Variants in CACNA2D3 observed in about 807,000 individuals in gnomAD.
CACNA2D3 encodes the protein calcium voltage-gated channel auxiliary subunit alpha2delta 3.
CACNA2D3 carries 60 observed loss-of-function variants against 160.6 expected under a neutral mutation model. The ratio of observed to expected loss-of-function variants is 0.37; its 90% CI spans 0.30 to 0.46. CACNA2D3 has a LOEUF of 0.46. Among genes scored for constraint, CACNA2D3 ranks in the 20% least tolerant of loss-of-function variants. The probability of loss-of-function intolerance (pLI) is 1.00; values close to 1 mark genes in which losing one functional copy is unlikely to be tolerated. For synonymous variants in CACNA2D3, 558 were observed against 492.9 expected (o/e 1.13, Z -1.75); for missense variants, 1,205 against 1,365.0 (o/e 0.88, Z 1.85).
intron 4 of CACNA2D3, among the ~76,000 whole-genome samples, chr3:54,393,453 G>A (rs1699317379): frequency 1.3e-5 from 2 of 152,212 alleles, no homozygotes; most frequent in Admixed American, 1.3e-4. Context: ...TGTCGTCCCT[G>A]AGGCTTTGTT....
chr3:54,939,853 A>C (rs1001699336), intron 27 of CACNA2D3, among the ~76,000 whole-genome samples: 1 of 152,204 alleles, frequency 6.6e-6, no homozygotes, highest in African/African-American at 2.4e-5. Flanking sequence ...CCACATGAAC[A>C]AAAGCCGCTG....
At chr3:54,985,284 C>T (rs930767324) in intron 30 of CACNA2D3, among the ~76,000 whole-genome samples, 7 of 152,048 alleles carry the variant, frequency 4.6e-5, no homozygotes, top group African/African-American at 1.7e-4. Context: ...AAGCTGTGGA[C>T]TTGAGCACAG....
chr3:54,772,576 G>C (rs1044048786), intron 13 of CACNA2D3, among the ~76,000 whole-genome samples: 3 of 151,932 alleles, frequency 2.0e-5, no homozygotes, highest in African/African-American at 7.3e-5. Flanking sequence ...TCTGTTTCCT[G>C]CTTGGCTGTT....
intron 2 of CACNA2D3, among the ~76,000 whole-genome samples, chr3:54,279,977 G>C (rs1316127357): frequency 6.6e-6 from 1 of 152,220 alleles, no homozygotes; most frequent in Non-Finnish European, 1.5e-5. Context: ...GCCTAGGCTA[G>C]TTCCACCTGT....
At chr3:54,603,573 G>A (rs1048174879) in intron 9 of CACNA2D3, among the ~76,000 whole-genome samples, 4 of 152,172 alleles carry the variant, frequency 2.6e-5, no homozygotes, top group East Asian at 1.9e-4. Context: ...AAGGCTGTTC[G>A]TTGTATGGTC....
chr3:54,167,688 C>T (rs1700486468), intron 2 of CACNA2D3, among the ~76,000 whole-genome samples: 2 of 152,146 alleles, frequency 1.3e-5, no homozygotes, highest in African/African-American at 4.8e-5. Context: ...GAATGGATAC[C>T]CAACGTAGTT....
intron 27 of CACNA2D3, among the ~76,000 whole-genome samples, chr3:54,956,495 C>A (rs1701896540): frequency 6.6e-6 from 1 of 152,170 alleles, no homozygotes; most frequent in Admixed American, 6.5e-5. Flanking sequence ...GCCACATGGT[C>A]TTAACGTTCT....
intron 9 of CACNA2D3, among the ~76,000 whole-genome samples, chr3:54,614,322 CCTGT>C (rs1375603014): frequency 6.6e-6 from 1 of 152,152 alleles, no homozygotes; most frequent in African/African-American, 2.4e-5. Context: ...CAGGGCAGAG[CCTGT>C]CTTACTCAAG....
At chr3:54,883,418 T>A (rs1286016541) in intron 21 of CACNA2D3, among the ~76,000 whole-genome samples, 1 of 152,196 alleles carries the variant, frequency 6.6e-6, no homozygotes, top group African/African-American at 2.4e-5. Context: ...GTGGATATGA[T>A]TTTTATCAGA....
chr3:54,664,705 A>G (rs1323507146), intron 11 of CACNA2D3, among the ~76,000 whole-genome samples: 3 of 152,216 alleles, frequency 2.0e-5, no homozygotes, highest in African/African-American at 7.2e-5. Context: ...TCGTGGGCCT[A>G]AGACTGGGTG....
chr3:54,210,680 C>T (rs1701356682), intron 2 of CACNA2D3, among the ~76,000 whole-genome samples: 1 of 152,146 alleles, frequency 6.6e-6, no homozygotes, highest in Non-Finnish European at 1.5e-5. Context: ...CAATAATTTA[C>T]ACAAGCGCCT....
At chr3:54,684,844 G>A (rs1390185976) in intron 11 of CACNA2D3, among the ~76,000 whole-genome samples, 1 of 152,178 alleles carries the variant, frequency 6.6e-6, no homozygotes, top group Non-Finnish European at 1.5e-5. Flanking sequence ...GGTTGGCTGG[G>A]CTGGCTGGTG....
chr3:54,647,884 A>G (rs935419426), intron 11 of CACNA2D3, among the ~76,000 whole-genome samples: 5 of 152,302 alleles, frequency 3.3e-5, no homozygotes, highest in African/African-American at 1.2e-4. Flanking sequence ...ATTGGATGCC[A>G]TTTACTTTTG....
At chr3:54,668,103 C>T (rs1481972180) in intron 11 of CACNA2D3, among the ~76,000 whole-genome samples, 1 of 152,010 alleles carries the variant, frequency 6.6e-6, no homozygotes, top group African/African-American at 2.4e-5. Flanking sequence ...ATTTTAAGAG[C>T]AAATATCATC....
chr3:54,562,297 T>C (rs1314566992), intron 5 of CACNA2D3, among the ~76,000 whole-genome samples: 1 of 152,230 alleles, frequency 6.6e-6, no homozygotes, highest in Admixed American at 6.5e-5. Context: ...GATTTAGTTA[T>C]GTAATTTCAA....
chr3:54,856,285 C>T lies in CACNA2D3; in HGVS notation c.1626+9818C>T, dbSNP rs1021936245. ...GAATTTATGAAAGTACCTGGTGTCT[C>T]GCTGTGCACTGGGTAGCTAGGGAAG... On this transcript the variant is annotated intron_variant, in intron 17 of 37. Transcript: ENST00000474759. Among the ~76,000 whole-genome samples the T allele has an allele frequency of 1.1e-4, 16 of 152,160 alleles. 1 individual carries two copies. Among genetic ancestry groups the T allele is most frequent in the African/African-American group, 2.7e-4 (11 of 41,448 alleles).
At chr3:54,908,650 A>G (rs1700495910) in intron 27 of CACNA2D3, among the ~76,000 whole-genome samples, 1 of 152,178 alleles carries the variant, frequency 6.6e-6, no homozygotes, top group Non-Finnish European at 1.5e-5. Context: ...CAGGAAGGTC[A>G]AGGCTGCAGT....
At chr3:54,581,943 C>T (rs1270860760) in intron 9 of CACNA2D3, 66 bp downstream of exon 9, 5 of 1,371,830 alleles carry the variant, frequency 3.6e-6, no homozygotes, top group African/African-American at 2.9e-5. Context: ...GTGATTGTTT[C>T]ACAATAAATC....
At chr3:54,187,783 G>C (rs548838955) in intron 2 of CACNA2D3, among the ~76,000 whole-genome samples, 14 of 152,278 alleles carry the variant, frequency 9.2e-5, no homozygotes, top group African/African-American at 2.9e-4. Flanking sequence ...CGCATGCACA[G>C]TTCACAATAG....
Sources: gnomAD v4.1 joint callset for allele counts (sites outside exome capture counted in the v4.1 genomes callset) on GRCh38, gnomAD v4.1.1 for gene constraint, MANE v1.5 for transcripts, NCBI Gene and HGNC (gene_info 2026-07-23, HGNC 2026-07-21) for gene names.